CEP170: variants seen among roughly 807,000 people sequenced by gnomAD.
The protein encoded by CEP170 is centrosomal protein 170, also known as centrosomal protein of 170 kDa.
CEP170 carries 21 observed loss-of-function variants against 151.9 expected under a neutral mutation model. That is an observed-to-expected ratio of 0.14 (90% CI 0.10 to 0.20). The LOEUF is 0.20. Ranked by LOEUF, CEP170 falls within the 10% of genes least tolerant of loss-of-function variation. The pLI is 1.00. For synonymous variants in CEP170, 356 were observed against 648.8 expected (o/e 0.55, Z 6.86); for missense variants, 964 against 1,892.9 (o/e 0.51, Z 9.11).
At chr1:243,217,869 G>A (rs539412092) in intron 3 of CEP170, among the ~76,000 whole-genome samples, 1 of 152,314 alleles carries the variant, frequency 6.6e-6, no homozygotes, top group East Asian at 1.9e-4. Context: ...GAGTCCAGAA[G>A]TGGCAATGTT....
intron 17 of CEP170, among the ~76,000 whole-genome samples, chr1:243,134,397 A>T (rs2054779748): frequency 6.6e-6 from 1 of 152,170 alleles, no homozygotes; most frequent in Non-Finnish European, 1.5e-5. Context: ...AATTCCCTTT[A>T]AAAAAACAAT....
At chr1:243,169,508 T>C (rs1383341800) in intron 12 of CEP170, 120 bp downstream of exon 12, 2 of 1,487,798 alleles carry the variant, frequency 1.3e-6, no homozygotes, top group African/African-American at 2.8e-5. Flanking sequence ...ATTTGGCTTG[T>C]TTTTTATAAT....
chr1:243,162,090 G>A (rs1013257889), intron 13 of CEP170, among the ~76,000 whole-genome samples: 5 of 152,092 alleles, frequency 3.3e-5, no homozygotes, highest in Non-Finnish European at 5.9e-5. Context: ...CTCATAAGGT[G>A]GAATAGAGAA....
chr1:243,186,138 G>A (rs1483527350), intron 9 of CEP170, 66 bp from the exon 10 acceptor site: 2 of 1,613,074 alleles, frequency 1.2e-6, no homozygotes, highest in African/African-American at 2.7e-5. Flanking sequence ...AGTTTTGTAT[G>A]TGGTGTTGAA....
At chr1:243,248,721 T>C (rs755769849) in intron 1 of CEP170, among the ~76,000 whole-genome samples, 31 of 152,230 alleles carry the variant, frequency 2.0e-4, no homozygotes, top group Non-Finnish European at 3.4e-4. Context: ...TCCCAGTGTT[T>C]TAAAGAATTC....
chr1:243,138,905 C>A (rs775639554), intron 16 of CEP170, among the ~76,000 whole-genome samples: 1 of 152,120 alleles, frequency 6.6e-6, no homozygotes, highest in African/African-American at 2.4e-5. Context: ...TCCAGAGCTG[C>A]GGCACCAACT....
At chr1:243,198,969 C>T in intron 7 of CEP170, 91 bp downstream of exon 7, 2 of 829,578 alleles carry the variant, frequency 2.4e-6, no homozygotes, top group South Asian at 1.8e-5. Context: ...AATACTAGAT[C>T]ATCTCTTTTC....
chr1:243,177,520 A>G (rs1308225532), intron 10 of CEP170, among the ~76,000 whole-genome samples: 2 of 152,210 alleles, frequency 1.3e-5, no homozygotes, highest in Non-Finnish European at 2.9e-5. Flanking sequence ...CTTCCTCCTC[A>G]ATGAGCAAAG....
chr1:243,160,211 T>C (rs111683769), intron 13 of CEP170, among the ~76,000 whole-genome samples: 3,618 of 152,324 alleles, frequency 0.024, 67 homozygotes, highest in Middle Eastern at 0.078. Flanking sequence ...TAACAATTTA[T>C]AAAAATAAAT....
Position 243,186,315 on chromosome 1 carries a change from C to T in CEP170, c.1216G>A (p.Glu406Lys). ...TGGACCTTCTGTAGCTTTTTGTGTTCTGAATGGTGGCGTCTTAAGTGTTCC... is the reference window on the plus strand; with the variant it reads ...TGGACCTTCTGTAGCTTTTTGTGTTTTGAATGGTGGCGTCTTAAGTGTTCC... ...LEEHLRRHHS[E>K]HKKLQKVQAT... The change falls in exon 9 of 20, where the codon GAA becomes AAA. Residue 406 changes from glutamate to lysine, a missense_variant. Glu to Lys is a moderately conservative substitution (Grantham distance 56, BLOSUM62 1). Transcript: ENST00000366542. 1 of 1,613,742 alleles carries T rather than the reference C, an allele frequency of 6.2e-7. No homozygotes were observed. The highest frequency in any genetic ancestry group is 8.5e-7 in the Non-Finnish European group (1 of 1,179,700).
chr1:243,205,918 A>T (rs1028803839), intron 4 of CEP170, among the ~76,000 whole-genome samples: 1 of 151,982 alleles, frequency 6.6e-6, no homozygotes, highest in Non-Finnish European at 1.5e-5. Context: ...GAACAAAAAA[A>T]CAACAAACAA....
intron 1 of CEP170, 132 bp downstream of exon 1, chr1:243,254,908 C>T (rs1448280113): frequency 2.0e-5 from 3 of 152,004 alleles, no homozygotes; most frequent in Admixed American, 1.3e-4. Context: ...CGCGGTCCAG[C>T]CCCGCACCCC....
In CEP170 at chr1:243,165,926, C is replaced by T. The variant is rs1339686943; in HGVS notation, c.2034G>A (p.Gln678=). The part of the protein sequence containing the change: ...EIGEKQDTEL[Q]EKETPTQVYQ... ...ATACCTGTGTAGGTGTTTCTTTCTC[C>T]TGAAGTTCTGTGTCTTGTTTTTCTC... Residue 678 remains glutamine, a synonymous_variant, in exon 13 of 20, where the codon CAG becomes CAA. Transcript: ENST00000366542. The T allele has an allele frequency of 6.2e-7, 1 of 1,613,738 alleles. No homozygotes were observed. The highest frequency in any genetic ancestry group is 1.7e-5 in the Admixed American group (1 of 60,000).
In CEP170 at chr1:243,178,308, C is replaced by CAAAAAAAAAAA. The variant is rs869094317; in HGVS notation, c.1567-5473_1567-5463dup. Among the ~76,000 whole-genome samples, 30 of 30,428 alleles carry CAAAAAAAAAAA rather than the reference C, an allele frequency of 9.9e-4. 2 individuals are homozygous for CAAAAAAAAAAA. Among genetic ancestry groups the CAAAAAAAAAAA allele is most frequent in the African/African-American group, 4.9e-3 (30 of 6,120 alleles). 20.0% of individuals were successfully genotyped at this position (30,428 alleles called of 152,430 possible). A position where few individuals can be genotyped will look rare whatever the true frequency, so the allele number is the denominator to read the frequency against. ...TGGGCAACAGAGCGAGACTCTGCCT[C>CAAAAAAAAAAA]AAAAAAAAAAAAAAAAAAAAAAAAA... On this transcript the variant is annotated intron_variant, in intron 10 of 19. Coordinates refer to ENST00000366542, the MANE Select transcript of CEP170 (RefSeq NM_014812.3).
At chr1:243,211,652 A>G (rs898121849) in intron 4 of CEP170, 2 of 446,710 alleles carry the variant, frequency 4.5e-6, no homozygotes, top group African/African-American at 4.1e-5. Flanking sequence ...CTGAAACTAC[A>G]TAAATAGAGA....
Position 243,136,131 on chromosome 1 carries a change from A to G in CEP170, c.4319+12T>C, listed in dbSNP as rs745910384. 11 of 1,463,686 alleles carry G rather than the reference A, an allele frequency of 7.5e-6. No individual in the cohort carries two copies. Among genetic ancestry groups the G allele is most frequent in the Admixed American group, 2.7e-5 (1 of 37,662 alleles). The allele number at this position is 1,463,686 out of a possible 1,614,324, so 90.7% of individuals were successfully genotyped here. A position where few individuals can be genotyped will look rare whatever the true frequency, so the allele number is the denominator to read the frequency against. On this transcript the variant is annotated intron_variant, in intron 17 of 19. Coordinates refer to ENST00000366542, the MANE Select transcript of CEP170 (RefSeq NM_014812.3). ...GAGGTGATATTAAAGTTAAAGCTAT[A>G]TGTACATGTACCTGATCTTTCCAGC...
At chr1:243,161,924 GGTTT>G (rs1306099203) in intron 13 of CEP170, among the ~76,000 whole-genome samples, 1 of 152,116 alleles carries the variant, frequency 6.6e-6, no homozygotes, top group Non-Finnish European at 1.5e-5. Context: ...CAAACAGGTA[GGTTT>G]GTTTGTTTGA....
intron 3 of CEP170, among the ~76,000 whole-genome samples, chr1:243,219,970 G>A (rs1405246120): frequency 6.6e-6 from 1 of 152,216 alleles, no homozygotes; most frequent in Non-Finnish European, 1.5e-5. Flanking sequence ...TATGTGTGGA[G>A]AAGGAAGAGA....
At chr1:243,235,910 A>C (rs1457201852) in intron 1 of CEP170, among the ~76,000 whole-genome samples, 2 of 152,352 alleles carry the variant, frequency 1.3e-5, no homozygotes, top group South Asian at 2.1e-4. Context: ...TAAATTATCT[A>C]GGCATTAAAA....
Sources: allele counts gnomAD v4.1 joint callset (sites outside exome capture counted in the v4.1 genomes callset), GRCh38; gene constraint gnomAD v4.1.1; transcripts MANE v1.5; gene names NCBI Gene and HGNC (gene_info 2026-07-23, HGNC 2026-07-21).